Variants in LRRN2 observed in about 807,000 individuals in gnomAD.
The protein encoded by LRRN2 is leucine-rich repeat neuronal protein 2.
Under a neutral mutation model 35.7 loss-of-function variants are expected in LRRN2, and 10 were observed. The ratio of observed to expected loss-of-function variants is 0.28; its 90% CI spans 0.17 to 0.47. LRRN2 has a LOEUF of 0.47. LRRN2 is among the 20% of genes least tolerant of loss of function. The probability of loss-of-function intolerance (pLI) is 0.99; values close to 1 mark genes in which losing one functional copy is unlikely to be tolerated. For synonymous variants in LRRN2, 391 were observed against 409.6 expected (o/e 0.95, Z 0.55); for missense variants, 731 against 940.3 (o/e 0.78, Z 2.91).
chr1:204,632,835 G>A (rs10751423), intron 1 of LRRN2, among the ~76,000 whole-genome samples: 71,254 of 150,850 alleles, frequency 0.47, 17,203 homozygotes, highest in Admixed American at 0.54. Context: ...ATGGGAGGCT[G>A]AGGCAGGAGA....
Position 204,637,972 on chromosome 1 carries a change from G to C in LRRN2, c.-226-17754C>G, listed in dbSNP as rs190523269. 1.0e-3 allele frequency among the ~76,000 whole-genome samples: 157 copies of C among 152,278 alleles called. 1 individual carries two copies. The East Asian group carries it at 0.021, about 20-fold the overall frequency. ...CAATTCCCCCAGGAGCTGCGGAGCT[G>C]GGGGAGGACAGAGGAGAATGTACTA... On this transcript the variant is annotated intron_variant, in intron 1 of 1. Transcript: ENST00000367177.
At chr1:204,638,433 A>C (rs1667895047) in intron 1 of LRRN2, among the ~76,000 whole-genome samples, 1 of 27,128 alleles carries the variant, frequency 3.7e-5, no homozygotes, top group African/African-American at 1.4e-4. Flanking sequence ...TTTTTTTGAG[A>C]CGGAGTCTCG....
intron 1 of LRRN2, among the ~76,000 whole-genome samples, chr1:204,637,171 A>T (rs80290886): frequency 0.028 from 4,271 of 152,300 alleles, 143 homozygotes; most frequent in East Asian, 0.11. Context: ...TTGGGGGGAA[A>T]ATCCCCAAAT....
chr1:204,620,386 G>C (rs1666798988), intron 1 of LRRN2, 168 bp from the exon 2 acceptor site: 1 of 256,618 alleles, frequency 3.9e-6, no homozygotes, highest in African/African-American at 2.3e-5. Context: ...CGATTCTCCT[G>C]GCTCAGCCAC....
At chr1:204,671,320 C>T (rs150217281) in intron 1 of LRRN2, among the ~76,000 whole-genome samples, 134 of 151,118 alleles carry the variant, frequency 8.9e-4, no homozygotes, top group Admixed American at 5.3e-3. Context: ...ACCAGAGGAA[C>T]GTGGTAGGAA....
At chr1:204,659,253 T>C (rs964639389) in intron 1 of LRRN2, among the ~76,000 whole-genome samples, 1 of 152,244 alleles carries the variant, frequency 6.6e-6, no homozygotes, top group Non-Finnish European at 1.5e-5. Context: ...TCTGTCACTA[T>C]GGAAACTAGT....
At chr1:204,623,205 C>T (rs577038172) in intron 1 of LRRN2, among the ~76,000 whole-genome samples, 116 of 152,192 alleles carry the variant, frequency 7.6e-4, no homozygotes, top group Non-Finnish European at 1.5e-3. Flanking sequence ...CAGCATCTCC[C>T]TGACCTTTAG....
At position 204,618,705 on chromosome 1, in the gene LRRN2, G is replaced by C. The variant is rs1666589757; in HGVS notation, c.1288C>G (p.Pro430Ala). 6.3e-7 allele frequency: 1 copy of C among 1,599,880 alleles called. No individual in the cohort carries two copies. Among genetic ancestry groups the C allele is most frequent in the Admixed American group, 1.7e-5 (1 of 59,412 alleles). ...CCACTGGCTACCTGGAGGCTTGGGG[G>C]GAAGCTTCGTGGGGAGATGAGGGGC... Reference protein sequence around the residue: ...CLPLISPRSFPPSLQVASGES... With the variant: ...CLPLISPRSFAPSLQVASGES... The change falls in exon 2 of 2, where the codon CCC (proline) becomes GCC (alanine). Residue 430 changes from proline (P) to alanine (A), a missense_variant. By Grantham distance (27) the Pro-to-Ala change is conservative. This residue lies in a region of LRRN2 where 256 missense variants were observed against 392.4 expected (regional missense o/e 0.65). Transcript: ENST00000367177.
intron 1 of LRRN2, among the ~76,000 whole-genome samples, chr1:204,672,151 C>T (rs910956730): frequency 1.1e-4 from 16 of 152,180 alleles, no homozygotes; most frequent in African/African-American, 3.9e-4. Flanking sequence ...CATTCTCTTG[C>T]ACATGAAGTA....
chr1:204,669,715 C>T (rs1202013346), intron 1 of LRRN2, among the ~76,000 whole-genome samples: 1 of 147,596 alleles, frequency 6.8e-6, no homozygotes, highest in Non-Finnish European at 1.5e-5. Flanking sequence ...CGTGTGAAGG[C>T]CATGAGGCCA....
At chr1:204,640,432 C>T (rs746768645) in intron 1 of LRRN2, among the ~76,000 whole-genome samples, 5 of 152,088 alleles carry the variant, frequency 3.3e-5, no homozygotes, top group Non-Finnish European at 7.4e-5. Flanking sequence ...AACAAGGATG[C>T]GTTATTATTA....
intron 1 of LRRN2, among the ~76,000 whole-genome samples, chr1:204,623,232 G>A (rs1268078509): frequency 6.6e-6 from 1 of 152,190 alleles, no homozygotes; most frequent in Non-Finnish European, 1.5e-5. Context: ...CCCGAGTCCA[G>A]TTTCCCTTCT....
In LRRN2 at chr1:204,617,593, T is replaced by A. The variant is rs1666431538; in HGVS notation, c.*258A>T. ...GAGAGAAGATGGGGAGGCAGGAGGC[T>A]CTAGCCAAAGTCCCTCCTGTTCCTT... is the stretch of plus-strand genomic sequence containing the variant. On this transcript the variant is annotated 3_prime_UTR_variant, in exon 2 of 2. Transcript: ENST00000367177. The A allele has an allele frequency of 2.1e-6, 1 of 487,592 alleles. No individual in the cohort carries two copies. Among genetic ancestry groups the A allele is most frequent in the Admixed American group, 3.6e-5 (1 of 27,412 alleles). The allele number at this position is 487,592 out of a possible 1,614,324, so 30.2% of individuals were successfully genotyped here.
At chr1:204,672,175 G>T (rs1668728786) in intron 1 of LRRN2, among the ~76,000 whole-genome samples, 1 of 152,222 alleles carries the variant, frequency 6.6e-6, no homozygotes, top group Non-Finnish European at 1.5e-5. Flanking sequence ...CCTCCAGGGT[G>T]AAAGATCAGG....
At chr1:204,642,734 C>T (rs951838390) in intron 1 of LRRN2, among the ~76,000 whole-genome samples, 3 of 152,232 alleles carry the variant, frequency 2.0e-5, no homozygotes, top group Non-Finnish European at 4.4e-5. Context: ...CACACAATGT[C>T]TAGTTTAAAC....
At chr1:204,634,743 C>T (rs1427829679) in intron 1 of LRRN2, among the ~76,000 whole-genome samples, 3 of 152,170 alleles carry the variant, frequency 2.0e-5, no homozygotes, top group Admixed American at 2.0e-4. Flanking sequence ...TTTTGAACCT[C>T]CAGCCTCCAA....
At chr1:204,665,673 T>C (rs780153485) in intron 1 of LRRN2, among the ~76,000 whole-genome samples, 7 of 152,196 alleles carry the variant, frequency 4.6e-5, no homozygotes, top group Non-Finnish European at 7.3e-5. Context: ...TCTTGTCACC[T>C]CACTTTTCAA....
chr1:204,618,138 T>G lies in LRRN2; in HGVS notation c.1855A>C (p.Thr619Pro), dbSNP rs1468186609. 6.2e-7 allele frequency: 1 copy of G among 1,614,066 alleles called. No individual in the cohort carries two copies. Among genetic ancestry groups the G allele is most frequent in the South Asian group, 1.1e-5 (1 of 91,078 alleles). The change falls in exon 2 of 2, where the codon ACT (threonine) becomes CCT (proline). Residue 619 changes from threonine (T) to proline (P), a missense_variant. Transcript: ENST00000367177. ...TCCCCTAAGGCTCTGTGGCAAGAAG[T>G]GGCCTCTTTGGTCCTGGCCCATACA... Reference protein sequence around the residue: ...ACVWARTKEATSCHRALGDRP... With the variant: ...ACVWARTKEAPSCHRALGDRP...
chr1:204,647,683 G>C (rs1009697420), intron 1 of LRRN2, among the ~76,000 whole-genome samples: 2 of 152,126 alleles, frequency 1.3e-5, no homozygotes, highest in Non-Finnish European at 2.9e-5. Context: ...CCAGATGGAC[G>C]GCTCTGATTT....
Sources: gnomAD v4.1 joint callset for allele counts (sites outside exome capture counted in the v4.1 genomes callset) on GRCh38, gnomAD v4.1.1 for gene constraint, gnomAD v4.1.1 regional missense constraint, MANE v1.5 for transcripts, NCBI Gene and HGNC (gene_info 2026-07-23, HGNC 2026-07-21) for gene names.